CELSR1: variants seen among roughly 807,000 people sequenced by gnomAD.
CELSR1 encodes cadherin EGF LAG seven-pass G-type receptor 1.
Under a neutral mutation model 249.1 loss-of-function variants are expected in CELSR1, and 110 were observed. The ratio of observed to expected loss-of-function variants is 0.44; its 90% CI spans 0.38 to 0.52. The LOEUF is 0.52. CELSR1 is among the 20% of genes least tolerant of loss of function. CELSR1 has a pLI of 0.00. For missense variants in CELSR1, 4,109 were observed against 4,296.4 expected, an observed-to-expected ratio of 0.96 and a Z score of 1.22; for synonymous variants, 2,113 against 1,900.0, an observed-to-expected ratio of 1.11 and a Z score of -2.92.
At chr22:46,450,304 G>C (rs990312497) in intron 2 of CELSR1, among the ~76,000 whole-genome samples, 1 of 152,240 alleles carries the variant, frequency 6.6e-6, no homozygotes, top group African/African-American at 2.4e-5. Flanking sequence ...CTACCAACTC[G>C]GCCCTGCAAG....
At position 46,391,423 on chromosome 22, in the gene CELSR1, C is replaced by G. The variant is rs1350057893; in HGVS notation, c.6149-136G>C. 16 of 905,846 alleles carry G rather than the reference C, an allele frequency of 1.8e-5. No individual in the cohort carries two copies. Among genetic ancestry groups the G allele is most frequent in the Non-Finnish European group, 2.6e-5 (16 of 607,106 alleles). The allele number at this position is 905,846 out of a possible 1,614,324, so 56.1% of individuals were successfully genotyped here. ...GAACCGAACCCTAGCATCTCCCCTG[C>G]CCCCATCCATGTCAGAGCTGGAGAG... is the stretch of plus-strand genomic sequence containing the variant. On this transcript the variant is annotated intron_variant, in intron 15 of 34. Coordinates refer to ENST00000674500, the MANE Select transcript of CELSR1 (RefSeq NM_001378328.1). The surrounding 1 kb of genome is among the most constrained non-coding windows in gnomAD (Gnocchi z 4.3).
At position 46,380,132 on chromosome 22, in the gene CELSR1, G is replaced by A. The variant is rs558892283; in HGVS notation, c.7256+656C>T. ...ACTGTGGTGCTGAATCCAGTCTCACGTGTGGGTGAGAATCACTCATTTTGC... is the reference window on the plus strand; with the variant it reads ...ACTGTGGTGCTGAATCCAGTCTCACATGTGGGTGAGAATCACTCATTTTGC... On this transcript the variant is annotated intron_variant, in intron 22 of 34. Transcript: ENST00000674500. The surrounding 1 kb of genome is among the most constrained non-coding windows in gnomAD (Gnocchi z 5.1). Among the ~76,000 whole-genome samples, 114 of 152,350 alleles carry A rather than the reference G, an allele frequency of 7.5e-4. 1 individual carries two copies. The highest frequency in any genetic ancestry group is 2.6e-3 in the African/African-American group (109 of 41,584).
rs2079355450 is a variant in CELSR1 at position 46,412,918 on chromosome 22, C to A, written c.4612-1159G>T. On this transcript the variant is annotated intron_variant, in intron 5 of 34. Coordinates refer to ENST00000674500, the MANE Select transcript of CELSR1 (RefSeq NM_001378328.1). This position sits in a 1 kb window ranked among gnomAD's most constrained non-coding sequence, Gnocchi z 4.5. Reference sequence around the variant, plus strand: ...GAGCCAGGAGATCGCCAGGCAAGTGCCACCATGCCCCACAATTGGCACACA... The same window carrying A: ...GAGCCAGGAGATCGCCAGGCAAGTGACACCATGCCCCACAATTGGCACACA... Among the ~76,000 whole-genome samples the A allele has an allele frequency of 6.6e-6, 1 of 152,218 alleles. No individual in the cohort carries two copies. Among genetic ancestry groups the A allele is most frequent in the African/African-American group, 2.4e-5 (1 of 41,458 alleles).
Position 46,536,958 on chromosome 22 carries a change from C to T in CELSR1, c.213G>A (p.Gly71=). 8.7e-7 allele frequency: 1 copy of T among 1,148,782 alleles called. No individual in the cohort carries two copies. The highest frequency in any genetic ancestry group is 3.5e-5 in the South Asian group (1 of 28,334). 71.2% of individuals were successfully genotyped at this position (1,148,782 alleles called of 1,614,324 possible). The change falls in exon 1 of 35, where the codon GGG becomes GGA. Residue 71 remains glycine, a synonymous_variant. Transcript: ENST00000674500. ...PRELLDVGRD[G]RLAGRRRVSG... ...AGACGCGCCGACGTCCTGCCAGCCG[C>T]CCATCGCGGCCCACGTCCAGCAGCT...
rs888651944 is a variant in CELSR1, at chr22:46,363,450, C to T, written c.9036-203G>A. The T allele has an allele frequency of 9.2e-6, 5 of 541,376 alleles. No individual in the cohort carries two copies. Among genetic ancestry groups the T allele is most frequent in the African/African-American group, 1.9e-5 (1 of 52,506 alleles). 33.5% of individuals were successfully genotyped at this position (541,376 alleles called of 1,614,324 possible). The stretch of plus-strand genomic sequence containing the variant: ...GGGACCAGGACCAGCCTGTGGGCCT[C>T]TGTGTTGCTGGTCTTTCAGAAGAGC... On this transcript the variant is annotated intron_variant, in intron 34 of 34. Transcript: ENST00000674500. This position sits in a 1 kb window ranked among gnomAD's most constrained non-coding sequence, Gnocchi z 4.3.
intron 2 of CELSR1, among the ~76,000 whole-genome samples, chr22:46,455,236 C>T (rs1423043959): frequency 6.6e-6 from 1 of 152,124 alleles, no homozygotes; most frequent in Non-Finnish European, 1.5e-5. Flanking sequence ...ACTTTTTTCT[C>T]TTTTTCTTTT....
At position 46,464,812 on chromosome 22, in the gene CELSR1, G is replaced by A. The variant is rs1007077322; in HGVS notation, c.3545-467C>T. Among the ~76,000 whole-genome samples, 1 of 152,058 alleles carries A rather than the reference G, an allele frequency of 6.6e-6. No individual in the cohort carries two copies. The highest frequency in any genetic ancestry group is 1.5e-5 in the Non-Finnish European group (1 of 68,014). On this transcript the variant is annotated intron_variant, in intron 1 of 34. Coordinates refer to ENST00000674500, the MANE Select transcript of CELSR1 (RefSeq NM_001378328.1). This position sits in a 1 kb window ranked among gnomAD's most constrained non-coding sequence, Gnocchi z 8.5. ...TCCCACCCTGCCCAACCTCCCAACAGTTCTTCCTGTCCTCGCAGCTCAGCT... is the reference window on the plus strand; with the variant it reads ...TCCCACCCTGCCCAACCTCCCAACAATTCTTCCTGTCCTCGCAGCTCAGCT...
At position 46,413,387 on chromosome 22, in the gene CELSR1, C is replaced by T. The variant is rs2079360552; in HGVS notation, c.4612-1628G>A. On this transcript the variant is annotated intron_variant, in intron 5 of 34. Coordinates refer to ENST00000674500, the MANE Select transcript of CELSR1 (RefSeq NM_001378328.1). This position sits in a 1 kb window ranked among gnomAD's most constrained non-coding sequence, Gnocchi z 4.7. ...GTTGTGCAGTGGGCAGCCTGCACAA[C>T]TGTATGTGGCCACCCCAGCTGAGGC... 1.3e-5 allele frequency among the ~76,000 whole-genome samples: 2 copies of T among 152,198 alleles called. No homozygotes were observed. Among genetic ancestry groups the T allele is most frequent in the South Asian group, 4.2e-4 (2 of 4,818 alleles).
At position 46,533,914 on chromosome 22, in the gene CELSR1, G is replaced by A. The variant is rs368360955; in HGVS notation, c.3257C>T (p.Thr1086Met). 163 of 1,613,140 alleles carry A rather than the reference G, an allele frequency of 1.0e-4. 2 individuals are homozygous for A. The highest frequency in any genetic ancestry group is 7.5e-4 in the South Asian group (68 of 91,082). The change falls in exon 1 of 35, where the codon ACG becomes ATG. Residue 1086 changes from threonine (T) to methionine (M), a missense_variant. Thr to Met is a moderately conservative substitution (Grantham distance 81). Coordinates refer to ENST00000674500, the MANE Select transcript of CELSR1 (RefSeq NM_001378328.1). ...ATSAPLVSRATVHILLVDQND... is the reference protein window; with the variant it reads ...ATSAPLVSRAMVHILLVDQND... The stretch of plus-strand genomic sequence containing the variant: ...CTGGTCCACGAGAAGGATGTGCACC[G>A]TGGCTCGGCTCACCAGCGGAGCCGA...
chr22:46,414,388 TG>T (rs2079373103), intron 5 of CELSR1, among the ~76,000 whole-genome samples: 1 of 152,212 alleles, frequency 6.6e-6, no homozygotes, highest in Non-Finnish European at 1.5e-5. Flanking sequence ...GGGGGATCTG[TG>T]GGGTCTGAGG....
chr22:46,533,894 C>A lies in CELSR1; in HGVS notation c.3277G>T (p.Asp1093Tyr). ...SRATVHILLV[D>Y]QNDNPPVLPD... ...AGCACAGGCGGGTTGTCATTCTGGT[C>A]CACGAGAAGGATGTGCACCGTGGCT... is the stretch of plus-strand genomic sequence containing the variant. The change falls in exon 1 of 35, where the codon GAC becomes TAC. Residue 1093 changes from aspartate to tyrosine, a missense_variant. Physicochemically the swap from Asp to Tyr is radical, Grantham distance 160 (BLOSUM62 -3). Transcript: ENST00000674500. 6.2e-7 allele frequency: 1 copy of A among 1,613,428 alleles called. No homozygotes were observed. The highest frequency in any genetic ancestry group is 1.1e-5 in the South Asian group (1 of 91,084).
rs201872913 is a variant in CELSR1 at position 46,389,243 on chromosome 22, G to A, written c.6555+47C>T. ...CCACAGCACCCACCCACGGGCATCC[G>A]AGTGTCCCCGAGTGTCCCCGAGCCA... is the stretch of plus-strand genomic sequence containing the variant. On this transcript the variant is annotated intron_variant, in intron 18 of 34. Transcript: ENST00000674500. 354 of 1,586,312 alleles carry A rather than the reference G, an allele frequency of 2.2e-4. 3 individuals carry two copies. Among genetic ancestry groups the A allele is most frequent in the African/African-American group, 1.5e-4 (11 of 74,222 alleles).
intron 19 of CELSR1, among the ~76,000 whole-genome samples, chr22:46,386,054 C>G (rs770157484): frequency 9.2e-5 from 14 of 151,550 alleles, no homozygotes; most frequent in Non-Finnish European, 7.4e-5. Flanking sequence ...ACTGCAACCT[C>G]TGCCTCCCAG....
chr22:46,375,963 T>C (rs965753131), intron 24 of CELSR1, among the ~76,000 whole-genome samples: 3 of 152,380 alleles, frequency 2.0e-5, no homozygotes, highest in African/African-American at 7.2e-5. Context: ...TTTGTTTTCC[T>C]TATTCATTGC....
In CELSR1 at chr22:46,534,937, G is replaced by A. The variant is rs1206291578; in HGVS notation, c.2234C>T (p.Thr745Ile). Reference sequence around the variant, plus strand: ...CTTGTAGTCCAGAGGTAGCGCCAGGGTGATGAGGCCGCCCCCTCTCTGGCT... The same window carrying A: ...CTTGTAGTCCAGAGGTAGCGCCAGGATGATGAGGCCGCCCCCTCTCTGGCT... ...LSSQRGGGLI[T>I]LALPLDYKQE... Residue 745 changes from threonine (T) to isoleucine (I), a missense_variant, in exon 1 of 35, where the codon ACC (threonine) becomes ATC (isoleucine). This residue lies in a region of CELSR1 where 886 missense variants were observed against 896.5 expected (regional missense o/e 0.99). Transcript: ENST00000674500. This position sits in a 1 kb window ranked among gnomAD's most constrained non-coding sequence, Gnocchi z 9.7. The A allele has an allele frequency of 3.7e-6, 6 of 1,612,374 alleles. No homozygotes were observed. Among genetic ancestry groups the A allele is most frequent in the Non-Finnish European group, 5.1e-6 (6 of 1,179,976 alleles).
chr22:46,480,788 C>T (rs1055432123), intron 1 of CELSR1, among the ~76,000 whole-genome samples: 2 of 152,234 alleles, frequency 1.3e-5, no homozygotes, highest in Non-Finnish European at 2.9e-5. Context: ...AGCTCTAAAA[C>T]TCTCCTGTAA....
chr22:46,480,185 G>A (rs1358888767), intron 1 of CELSR1, among the ~76,000 whole-genome samples: 6 of 152,300 alleles, frequency 3.9e-5, no homozygotes, highest in African/African-American at 1.4e-4. Flanking sequence ...GCTACACACA[G>A]CCTCAAGGCC....
At position 46,411,482 on chromosome 22, in the gene CELSR1, A is replaced by G; in HGVS notation, c.4769+120T>C. The G allele has an allele frequency of 8.8e-7, 1 of 1,136,070 alleles. No homozygotes were observed. Among genetic ancestry groups the G allele is most frequent in the Non-Finnish European group, 1.2e-6 (1 of 809,632 alleles). 70.4% of individuals were successfully genotyped at this position (1,136,070 alleles called of 1,614,324 possible). On this transcript the variant is annotated intron_variant, in intron 6 of 34. Coordinates refer to ENST00000674500, the MANE Select transcript of CELSR1 (RefSeq NM_001378328.1). This position sits in a 1 kb window ranked among gnomAD's most constrained non-coding sequence, Gnocchi z 4.2. ...GACAGGATGTCTGACTCTAGCCTGG[A>G]ATGAGGTCGCCAGGGCACTGCACCC...
rs775096934 is a variant in CELSR1 at position 46,526,737 on chromosome 22, C to T, written c.3544+6890G>A. 3.3e-5 allele frequency among the ~76,000 whole-genome samples: 5 copies of T among 152,316 alleles called. No individual in the cohort carries two copies. The South Asian group carries it at 6.2e-4, about 19-fold the overall frequency. ...ACTGTTCCCCACCCAGGAGGCTATT[C>T]GGGCCATGGCTCCTCAAGGCTGGGC... is the stretch of plus-strand genomic sequence containing the variant. On this transcript the variant is annotated intron_variant, in intron 1 of 34. Coordinates refer to ENST00000674500, the MANE Select transcript of CELSR1 (RefSeq NM_001378328.1). This position sits in a 1 kb window ranked among gnomAD's most constrained non-coding sequence, Gnocchi z 4.7.
Sources: gnomAD v4.1 joint callset for allele counts (sites outside exome capture counted in the v4.1 genomes callset) on GRCh38, gnomAD v4.1.1 for gene constraint, gnomAD v4.1.1 regional missense constraint, Gnocchi (gnomAD v3.1) non-coding constraint, MANE v1.5 for transcripts, NCBI Gene and HGNC (gene_info 2026-07-23, HGNC 2026-07-21) for gene names.